The following ICA1L variants were observed in gnomAD, a reference collection of about 807,000 sequenced individuals.
The protein encoded by ICA1L is islet cell autoantigen 1-like protein.
Under a neutral mutation model 61.3 loss-of-function variants are expected in ICA1L, and 50 were observed. The ratio of observed to expected loss-of-function variants is 0.82; its 90% CI spans 0.65 to 1.03. ICA1L has a LOEUF of 1.03. Ranked by LOEUF, ICA1L falls within the 50% of genes least tolerant of loss-of-function variation. The pLI is 0.00. For missense variants in ICA1L, 508 were observed against 556.7 expected, an observed-to-expected ratio of 0.91 and a Z score of 0.88; for synonymous variants, 161 against 191.3, an observed-to-expected ratio of 0.84 and a Z score of 1.31.
intron 1 of ICA1L, chr2:202,841,643 C>A: frequency 1.7e-6 from 1 of 602,244 alleles, no homozygotes; most frequent in East Asian, 3.9e-5. Flanking sequence ...AAAGATGCTG[C>A]TGCCCACTCG....
intron 9 of ICA1L, among the ~76,000 whole-genome samples, chr2:202,798,405 AT>A (rs796864071): frequency 2.1e-4 from 32 of 151,950 alleles, no homozygotes; most frequent in African/African-American, 7.5e-4. Context: ...TACCTGAATA[AT>A]TTTTTTAAAT....
chr2:202,790,228 TC>T (rs1692705300), intron 10 of ICA1L, among the ~76,000 whole-genome samples: 1 of 151,868 alleles, frequency 6.6e-6, no homozygotes, highest in Non-Finnish European at 1.5e-5. Context: ...AAAGGAAAAA[TC>T]CCATCCCTTA....
chr2:202,805,072 C>T (rs953683431), intron 9 of ICA1L, among the ~76,000 whole-genome samples: 2 of 152,000 alleles, frequency 1.3e-5, no homozygotes, highest in African/African-American at 2.4e-5. Flanking sequence ...CATGGATGAA[C>T]CTCAAAAGCA....
intron 9 of ICA1L, among the ~76,000 whole-genome samples, chr2:202,805,996 T>C (rs893874164): frequency 1.3e-5 from 2 of 152,336 alleles, no homozygotes; most frequent in Admixed American, 1.3e-4. Context: ...GTCTCTTACA[T>C]TGTTTCTTTT....
At chr2:202,816,894 AGGTTAAAGT>A (rs1323968007) in intron 6 of ICA1L, among the ~76,000 whole-genome samples, 8 of 152,164 alleles carry the variant, frequency 5.3e-5, no homozygotes, top group Admixed American at 5.2e-4. Flanking sequence ...GAGACTTCTG[AGGTTAAAGT>A]GGTATGGGAT....
chr2:202,797,373 A>T (rs972423828), intron 9 of ICA1L, among the ~76,000 whole-genome samples: 1 of 152,190 alleles, frequency 6.6e-6, no homozygotes, highest in African/African-American at 2.4e-5. Context: ...GGAATGAATG[A>T]ATATGGCCTA....
At chr2:202,845,444 T>C (rs369277149) in intron 1 of ICA1L, among the ~76,000 whole-genome samples, 1 of 152,050 alleles carries the variant, frequency 6.6e-6, no homozygotes, top group African/African-American at 2.4e-5. Flanking sequence ...CTGGCAAACA[T>C]GGTGAAACCC....
chr2:202,855,379 T>C (rs1369492971), intron 1 of ICA1L, among the ~76,000 whole-genome samples: 1 of 151,648 alleles, frequency 6.6e-6, no homozygotes, highest in Non-Finnish European at 1.5e-5. Flanking sequence ...TTTAAAAAGA[T>C]TAACAAAATA....
intron 1 of ICA1L, among the ~76,000 whole-genome samples, chr2:202,864,237 T>C (rs541387795): frequency 6.6e-6 from 1 of 152,136 alleles, no homozygotes; most frequent in South Asian, 2.1e-4. Flanking sequence ...GAAAAGATTA[T>C]TACAGATCAA....
chr2:202,839,494 G>A (rs1328640103), intron 1 of ICA1L, among the ~76,000 whole-genome samples: 32 of 108,416 alleles, frequency 3.0e-4, no homozygotes, highest in African/African-American at 1.1e-3. Context: ...GTGAGACTCC[G>A]TCTCAAAAAA....
chr2:202,781,125 T>C (rs933885818), intron 12 of ICA1L, among the ~76,000 whole-genome samples: 1 of 152,194 alleles, frequency 6.6e-6, no homozygotes, highest in African/African-American at 2.4e-5. Context: ...GTCCGTTACA[T>C]CTTTTATAGA....
At chr2:202,843,849 C>T (rs750868346) in intron 1 of ICA1L, among the ~76,000 whole-genome samples, 3 of 152,226 alleles carry the variant, frequency 2.0e-5, no homozygotes, top group Non-Finnish European at 4.4e-5. Flanking sequence ...GCCCAGGGTG[C>T]AAACTCTTTA....
intron 5 of ICA1L, among the ~76,000 whole-genome samples, chr2:202,818,541 A>C (rs1693606471): frequency 6.6e-6 from 1 of 152,194 alleles, no homozygotes; most frequent in African/African-American, 2.4e-5. Flanking sequence ...TTCCCTGCCC[A>C]AATCTCATCT....
At chr2:202,811,372 A>T (rs1477271510) in intron 9 of ICA1L, among the ~76,000 whole-genome samples, 1 of 152,056 alleles carries the variant, frequency 6.6e-6, no homozygotes, top group Non-Finnish European at 1.5e-5. Context: ...AAGTTGATGG[A>T]GGCTGGGCGC....
chr2:202,819,670 C>T, intron 5 of ICA1L, 31 bp downstream of exon 5: 2 of 1,511,614 alleles, frequency 1.3e-6, no homozygotes, highest in East Asian at 4.5e-5. Flanking sequence ...ATTTCATACA[C>T]CAAGAAAAGG....
rs1248640151 is a variant in ICA1L at position 202,773,312 on chromosome 2, A to G, written c.*6221T>C. On this transcript the variant is annotated 3_prime_UTR_variant, in exon 13 of 13. Coordinates refer to ENST00000358299, the MANE Select transcript of ICA1L (RefSeq NM_001288622.3). The stretch of plus-strand genomic sequence containing the variant: ...TCGTTCAAATGCATTTCTTTCCCTT[A>G]GAGGGACTATTCCAACATCACTCCT... 6.5e-6 allele frequency: 1 copy of G among 153,946 alleles called. No homozygotes were observed. Among genetic ancestry groups the G allele is most frequent in the Admixed American group, 6.4e-5 (1 of 15,592 alleles). The allele number at this position is 153,946 out of a possible 1,614,324, so 9.5% of individuals were successfully genotyped here.
At chr2:202,792,157 G>A (rs1692774579) in intron 10 of ICA1L, among the ~76,000 whole-genome samples, 1 of 152,150 alleles carries the variant, frequency 6.6e-6, no homozygotes, top group Non-Finnish European at 1.5e-5. Flanking sequence ...GACAGAGCGA[G>A]ACTCCATCTC....
intron 10 of ICA1L, among the ~76,000 whole-genome samples, chr2:202,791,703 A>G (rs1692755403): frequency 6.6e-6 from 1 of 151,528 alleles, no homozygotes; most frequent in African/African-American, 2.4e-5. Flanking sequence ...AAAATTAGCC[A>G]GGCGTGGTGG....
rs1692173396 is a variant in ICA1L, at chr2:202,774,833, G to A, written c.*4700C>T. The A allele has an allele frequency of 6.6e-6, 1 of 152,644 alleles. No individual in the cohort carries two copies. Among genetic ancestry groups the A allele is most frequent in the African/African-American group, 2.4e-5 (1 of 41,470 alleles). 9.5% of individuals were successfully genotyped at this position (152,644 alleles called of 1,614,324 possible). On this transcript the variant is annotated 3_prime_UTR_variant, in exon 13 of 13. Transcript: ENST00000358299. ...GTTTGTGGAGATGTTGAGGCAGCAA[G>A]AAAACCGGAAGTTTAAAACGTACAC...
Sources: allele counts gnomAD v4.1 joint callset (sites outside exome capture counted in the v4.1 genomes callset), GRCh38; gene constraint gnomAD v4.1.1; transcripts MANE v1.5; gene names NCBI Gene and HGNC (gene_info 2026-07-23, HGNC 2026-07-21).